The following GTF2F2 variants were observed in gnomAD, a reference collection of about 807,000 sequenced individuals.
The protein encoded by GTF2F2 is ATP-dependent helicase GTF2F2.
A neutral mutation model predicts 42.2 loss-of-function variants in GTF2F2; 23 were observed. The ratio of observed to expected loss-of-function variants is 0.55; its 90% CI spans 0.39 to 0.77. The LOEUF is 0.77. GTF2F2 is among the 30% of genes least tolerant of loss of function. The pLI is 0.00. For missense variants in GTF2F2, 261 were observed against 287.2 expected (o/e 0.91, Z 0.66); for synonymous variants, 105 against 100.8 (o/e 1.04, Z -0.25).
At chr13:45,159,765 G>C (rs964247856) in intron 4 of GTF2F2, among the ~76,000 whole-genome samples, 4 of 152,166 alleles carry the variant, frequency 2.6e-5, no homozygotes, top group African/African-American at 7.2e-5. Context: ...TGGCCACCAT[G>C]CCTGGCCATG....
At chr13:45,145,024 A>T (rs945198854) in intron 2 of GTF2F2, among the ~76,000 whole-genome samples, 2 of 152,316 alleles carry the variant, frequency 1.3e-5, no homozygotes, top group East Asian at 1.9e-4. Flanking sequence ...CAAGCATTTT[A>T]TTCAGTTCTC....
At chr13:45,128,429 T>C (rs908912888) in intron 1 of GTF2F2, among the ~76,000 whole-genome samples, 3 of 149,852 alleles carry the variant, frequency 2.0e-5, no homozygotes, top group Admixed American at 1.3e-4. Context: ...AAAAATTAGC[T>C]GGGCATGGTG....
At chr13:45,167,770 G>T (rs1218190374) in intron 4 of GTF2F2, among the ~76,000 whole-genome samples, 4 of 151,960 alleles carry the variant, frequency 2.6e-5, no homozygotes, top group African/African-American at 7.3e-5. Flanking sequence ...TCAAACTCCT[G>T]ACCTCAAGTG....
At chr13:45,252,648 T>A (rs999221821) in intron 5 of GTF2F2, among the ~76,000 whole-genome samples, 1 of 152,198 alleles carries the variant, frequency 6.6e-6, no homozygotes, top group African/African-American at 2.4e-5. Flanking sequence ...AAAAGTACAT[T>A]GTGGCATTAT....
chr13:45,251,642 A>C (rs950625230), intron 5 of GTF2F2, among the ~76,000 whole-genome samples: 27 of 151,970 alleles, frequency 1.8e-4, no homozygotes, highest in Non-Finnish European at 1.5e-5. Flanking sequence ...CATCGTTTTC[A>C]ATTTTTTTGC....
At chr13:45,206,196 T>C (rs1180140284) in intron 4 of GTF2F2, among the ~76,000 whole-genome samples, 1 of 152,198 alleles carries the variant, frequency 6.6e-6, no homozygotes, top group Non-Finnish European at 1.5e-5. Context: ...TAAGGGACCC[T>C]GGATACATTG....
At chr13:45,227,973 G>A (rs866785146) in intron 5 of GTF2F2, among the ~76,000 whole-genome samples, 2 of 152,172 alleles carry the variant, frequency 1.3e-5, no homozygotes, top group African/African-American at 2.4e-5. Context: ...GGAATTACCA[G>A]TGAAGAATCC....
intron 4 of GTF2F2, among the ~76,000 whole-genome samples, chr13:45,183,545 C>T (rs530524787): frequency 6.6e-6 from 1 of 152,256 alleles, no homozygotes; most frequent in South Asian, 2.1e-4. Flanking sequence ...TTCCACTAGT[C>T]AGAACTTGAT....
intron 7 of GTF2F2, among the ~76,000 whole-genome samples, chr13:45,281,459 A>G (rs910105903): frequency 1.3e-5 from 2 of 152,268 alleles, no homozygotes; most frequent in African/African-American, 4.8e-5. Flanking sequence ...TACAGCAAAC[A>G]TGAGGCTCAG....
intron 4 of GTF2F2, among the ~76,000 whole-genome samples, chr13:45,191,224 A>AAAAATATATATATATATATATAT: frequency 4.0e-5 from 3 of 75,314 alleles, no homozygotes; most frequent in African/African-American, 3.0e-4. Flanking sequence ...ACAAAAAAAA[A>AAAAATATATATATATATATATAT]ATATATATAT....
chr13:45,281,859 T>G (rs894940226), intron 7 of GTF2F2, among the ~76,000 whole-genome samples: 1 of 152,230 alleles, frequency 6.6e-6, no homozygotes, highest in African/African-American at 2.4e-5. Context: ...CACAAATTAT[T>G]GTTGGATTGC....
intron 6 of GTF2F2, among the ~76,000 whole-genome samples, chr13:45,261,425 C>CAA (rs976923932): frequency 0.18 from 10,321 of 58,562 alleles, 1,650 homozygotes; most frequent in African/African-American, 0.38. Context: ...GACTCCATCT[C>CAA]AAAAAAAAAA....
intron 5 of GTF2F2, among the ~76,000 whole-genome samples, chr13:45,234,496 A>G (rs1874850211): frequency 6.6e-6 from 1 of 152,204 alleles, no homozygotes. Context: ...ATGGAATCAG[A>G]TATTTTGTAT....
At chr13:45,232,083 C>T (rs1874712858) in intron 5 of GTF2F2, among the ~76,000 whole-genome samples, 2 of 152,152 alleles carry the variant, frequency 1.3e-5, no homozygotes, top group African/African-American at 2.4e-5. Context: ...ATCACATAGT[C>T]ATAGGATTAC....
intron 4 of GTF2F2, among the ~76,000 whole-genome samples, chr13:45,188,153 G>A (rs1322923560): frequency 2.6e-5 from 4 of 152,118 alleles, no homozygotes; most frequent in Admixed American, 6.5e-5. Context: ...TGATCCACCC[G>A]CCTTGGCCTC....
chr13:45,167,119 G>A (rs1362643593), intron 4 of GTF2F2, among the ~76,000 whole-genome samples: 6 of 147,660 alleles, frequency 4.1e-5, no homozygotes, highest in East Asian at 3.9e-4. Flanking sequence ...AAAGAACTTC[G>A]TGTATGTGTA....
intron 6 of GTF2F2, among the ~76,000 whole-genome samples, chr13:45,265,670 C>T (rs1022515049): frequency 6.6e-5 from 10 of 152,140 alleles, no homozygotes; most frequent in African/African-American, 1.9e-4. Context: ...TTGACAGTCT[C>T]TCATAAGACA....
intron 7 of GTF2F2, among the ~76,000 whole-genome samples, chr13:45,279,070 G>A (rs879854289): frequency 7.2e-5 from 11 of 151,868 alleles, no homozygotes; most frequent in Non-Finnish European, 1.5e-4. Context: ...TGATCCACCC[G>A]CCTCAGCCTC....
intron 6 of GTF2F2, among the ~76,000 whole-genome samples, chr13:45,256,834 A>G (rs1876123686): frequency 6.6e-6 from 1 of 152,194 alleles, no homozygotes; most frequent in Non-Finnish European, 1.5e-5. Context: ...AAATGTTTTG[A>G]AAGTCTTGCC....
Sources: allele counts gnomAD v4.1 joint callset (sites outside exome capture counted in the v4.1 genomes callset), GRCh38; gene constraint gnomAD v4.1.1; transcripts MANE v1.5; gene names NCBI Gene and HGNC (gene_info 2026-07-23, HGNC 2026-07-21).